The following CNDP2 variants were observed in gnomAD, a reference collection of about 807,000 sequenced individuals.
The protein encoded by CNDP2 is carnosine dipeptidase 2, also known as cytosolic non-specific dipeptidase.
CNDP2 carries 38 observed loss-of-function variants against 55.0 expected under a neutral mutation model. The ratio of observed to expected loss-of-function variants is 0.69; its 90% CI spans 0.53 to 0.90. The LOEUF (loss-of-function observed/expected upper bound fraction) is 0.90. CNDP2 is among the 40% of genes least tolerant of loss of function. The pLI, the probability that CNDP2 is intolerant of heterozygous loss-of-function variation, is 0.00. For synonymous variants in CNDP2, 241 were observed against 260.2 expected (o/e 0.93, Z 0.71); for missense variants, 607 against 621.7 (o/e 0.98, Z 0.25).
At position 74,505,909 on chromosome 18, in the gene CNDP2, C is replaced by T; in HGVS notation, c.265C>T (p.Pro89Ser). Residue 89 changes from proline (P) to serine (S), a missense_variant, in exon 4 of 12, where the codon CCA (proline) becomes TCA (serine). By Grantham distance (74) the Pro-to-Ser change is moderately conservative. Coordinates refer to ENST00000324262, the MANE Select transcript of CNDP2 (RefSeq NM_018235.3). ...TCTGCTCGGCAGGCTGGGCTCCGACCCACAGAAGAAGACCGTGTGCATTTA... is the reference window on the plus strand; with the variant it reads ...TCTGCTCGGCAGGCTGGGCTCCGACTCACAGAAGAAGACCGTGTGCATTTA... ...PILLGRLGSD[P>S]QKKTVCIYGH... The T allele has an allele frequency of 1.9e-6, 3 of 1,612,104 alleles. No individual in the cohort carries two copies. Among genetic ancestry groups the T allele is most frequent in the Middle Eastern group, 1.7e-4 (1 of 6,056 alleles).
chr18:74,515,730 G>A (rs3794950), intron 8 of CNDP2, among the ~76,000 whole-genome samples: 26,479 of 152,106 alleles, frequency 0.17, 2,596 homozygotes, highest in East Asian at 0.29. Flanking sequence ...TGGCATCATC[G>A]GTATTCAGGG....
At chr18:74,501,058 T>G in intron 2 of CNDP2, 1 of 713,696 alleles carries the variant, frequency 1.4e-6, no homozygotes, top group Non-Finnish European at 1.8e-6. Flanking sequence ...GCTGCCTGTC[T>G]TTGATTTCAC....
intron 8 of CNDP2, 156 bp downstream of exon 8, chr18:74,513,875 G>T: frequency 1.4e-6 from 1 of 729,338 alleles, no homozygotes; most frequent in South Asian, 2.2e-5. Flanking sequence ...ACTGTGACCA[G>T]GTTGCTGGTC....
At chr18:74,514,205 C>T (rs1226679391) in intron 8 of CNDP2, among the ~76,000 whole-genome samples, 1 of 149,588 alleles carries the variant, frequency 6.7e-6, no homozygotes. Context: ...TCTGCGGGCT[C>T]TAGGTTTATG....
intron 9 of CNDP2, chr18:74,516,981 GTAGCTTACGTGGCAGACGCGA>G (rs57849039): frequency 0.46 from 69,675 of 151,090 alleles, 16,542 homozygotes; most frequent in East Asian, 0.7. Context: ...CACAGACGCG[GTAGCTTACGTGGCAGACGCGA>G]TAGCTTACGT....
At chr18:74,506,117 T>G in intron 4 of CNDP2, 106 bp downstream of exon 4, 1 of 1,002,226 alleles carries the variant, frequency 1.0e-6, no homozygotes, top group Non-Finnish European at 1.3e-6. Context: ...TTATTTTATT[T>G]TATTTATTTT....
At chr18:74,499,069 G>A (rs762556400) in intron 1 of CNDP2, among the ~76,000 whole-genome samples, 1 of 152,164 alleles carries the variant, frequency 6.6e-6, no homozygotes, top group Non-Finnish European at 1.5e-5. Context: ...ATGCACAGGC[G>A]TTTGTCTGGC....
chr18:74,500,269 A>T (rs1339581908), intron 2 of CNDP2, among the ~76,000 whole-genome samples: 1 of 152,226 alleles, frequency 6.6e-6, no homozygotes, highest in African/African-American at 2.4e-5. Flanking sequence ...TTTCATCTCC[A>T]TCAACAATTT....
At chr18:74,518,855 C>A in intron 10 of CNDP2, 94 bp from the exon 11 acceptor site, 5 of 1,551,332 alleles carry the variant, frequency 3.2e-6, no homozygotes, top group South Asian at 1.2e-5. Flanking sequence ...CCTTGCACAG[C>A]ATCTGACTGA....
chr18:74,501,082 T>G (rs536201359), intron 2 of CNDP2: 37 of 869,782 alleles, frequency 4.3e-5, no homozygotes, highest in South Asian at 3.3e-4. Flanking sequence ...CTTGTTTTTT[T>G]TTTGTTTGTT....
chr18:74,498,792 G>A (rs1308049310), intron 1 of CNDP2, among the ~76,000 whole-genome samples: 2 of 152,188 alleles, frequency 1.3e-5, no homozygotes, highest in Non-Finnish European at 2.9e-5. Context: ...GAGCTGGCTG[G>A]GAGGTATATA....
rs1228721585 is a variant in CNDP2 at position 74,501,337 on chromosome 18, A to G, written c.69A>G (p.Ala23=). 1.2e-6 allele frequency: 2 copies of G among 1,612,518 alleles called. No homozygotes were observed. The highest frequency in any genetic ancestry group is 1.1e-5 in the South Asian group (1 of 90,880). Residue 23 remains alanine (A), a synonymous_variant, in exon 3 of 12, where the codon GCA becomes GCG. Transcript: ENST00000324262. The part of the protein sequence containing the change: ...ENQDRYIKKL[A]KWVAIQSVSA... The stretch of plus-strand genomic sequence containing the variant: ...TTCTTGTCCACAAACAGAAACTCGC[A>G]AAATGGGTGGCTATCCAGAGTGTGT...
intron 9 of CNDP2, 57 bp from the exon 10 acceptor site, chr18:74,518,442 C>A (rs1015636485): frequency 1.9e-5 from 31 of 1,605,766 alleles, no homozygotes; most frequent in Middle Eastern, 1.7e-4. Context: ...GTCACTAGCA[C>A]TGGATCAAAT....
In CNDP2 at chr18:74,520,400, A is replaced by C; in HGVS notation, c.*332A>C. The stretch of plus-strand genomic sequence containing the variant: ...GCCGGGCACCACGGCTCACACCTAT[A>C]ATCGAGCACTTTGGGAGGCCAAGAC... On this transcript the variant is annotated 3_prime_UTR_variant, in exon 12 of 12. Coordinates refer to ENST00000324262, the MANE Select transcript of CNDP2 (RefSeq NM_018235.3). The C allele has an allele frequency of 3.6e-6, 1 of 277,484 alleles. No individual in the cohort carries two copies. Among genetic ancestry groups the C allele is most frequent in the South Asian group, 4.2e-5 (1 of 23,692 alleles). The allele number at this position is 277,484 out of a possible 1,614,324, so 17.2% of individuals were successfully genotyped here.
Position 74,516,603 on chromosome 18 carries a change from G to A in CNDP2, c.1068+211G>A, listed in dbSNP as rs944873998. On this transcript the variant is annotated intron_variant, in intron 9 of 11. Coordinates refer to ENST00000324262, the MANE Select transcript of CNDP2 (RefSeq NM_018235.3). ...AGTGACCTTTGTTACTGATGAGGCA[G>A]GCCAAAATCTGGCCTTTGACCTCAC... 1.3e-5 allele frequency: 7 copies of A among 554,886 alleles called. No homozygotes were observed. The African/African-American group carries it at 1.5e-4, about 12-fold the overall frequency. The allele number at this position is 554,886 out of a possible 1,614,324, so 34.4% of individuals were successfully genotyped here.
chr18:74,512,334 T>C, intron 6 of CNDP2, 114 bp from the exon 7 acceptor site: 1 of 977,402 alleles, frequency 1.0e-6, no homozygotes. Context: ...GGGAGCAAAT[T>C]TTGATTTGGG....
At chr18:74,517,038 C>T (rs1026408018) in intron 9 of CNDP2, 8 of 151,312 alleles carry the variant, frequency 5.3e-5, no homozygotes, top group South Asian at 2.1e-4. Flanking sequence ...CTCACTGTTT[C>T]GGAGGCGGAT....
chr18:74,516,988 ACG>A (rs1979709861), intron 9 of CNDP2: 1 of 44,908 alleles, frequency 2.2e-5, no homozygotes, highest in Non-Finnish European at 5.9e-5. Context: ...GCGGTAGCTT[ACG>A]TGGCAGACGC....
At position 74,511,198 on chromosome 18, in the gene CNDP2, C is replaced by G. The variant is rs928783235; in HGVS notation, c.657+185C>G. On this transcript the variant is annotated intron_variant, in intron 6 of 11. Transcript: ENST00000324262. ...TACACCAGGGTGGACAGCAACACTT[C>G]CAGTGATCAGAAGTTAATCTCACAG... The G allele has an allele frequency of 5.0e-6, 3 of 597,258 alleles. No homozygotes were observed. In the Admixed American group the frequency reaches 9.2e-5, roughly 18 times the overall value. 37.0% of individuals were successfully genotyped at this position (597,258 alleles called of 1,614,324 possible).
Sources: allele counts gnomAD v4.1 joint callset (sites outside exome capture counted in the v4.1 genomes callset), GRCh38; gene constraint gnomAD v4.1.1; transcripts MANE v1.5; gene names NCBI Gene and HGNC (gene_info 2026-07-23, HGNC 2026-07-21).